The following RANBP17 variants were observed in gnomAD, a reference collection of about 807,000 sequenced individuals.
RANBP17 encodes the protein ran-binding protein 17.
Under a neutral mutation model 141.2 loss-of-function variants are expected in RANBP17, and 158 were observed. That is an observed-to-expected ratio of 1.12 (90% CI 0.98 to 1.28). RANBP17 has a LOEUF of 1.28. RANBP17 is among the 50% of genes most tolerant of loss of function. The pLI is 0.00. For missense variants in RANBP17, 1,438 were observed against 1,290.7 expected (o/e 1.11, Z -1.75); for synonymous variants, 430 against 450.0 (o/e 0.96, Z 0.56).
At chr5:170,921,003 T>C (rs1772406753) in intron 11 of RANBP17, among the ~76,000 whole-genome samples, 1 of 152,212 alleles carries the variant, frequency 6.6e-6, no homozygotes, top group Non-Finnish European at 1.5e-5. Context: ...TTTTGTCAGA[T>C]GGATAGATTG....
At chr5:170,892,593 G>C (rs779373634) in intron 4 of RANBP17, 40 bp downstream of exon 4, 1 of 1,560,854 alleles carries the variant, frequency 6.4e-7, no homozygotes, top group South Asian at 1.2e-5. Context: ...ATCACTACTT[G>C]CTTTTTTTGG....
intron 22 of RANBP17, among the ~76,000 whole-genome samples, chr5:171,222,791 G>C (rs1216308291): frequency 6.6e-6 from 1 of 151,954 alleles, no homozygotes; most frequent in African/African-American, 2.4e-5. Context: ...ACCACGCCTG[G>C]CTAATTGTTG....
intron 5 of RANBP17, among the ~76,000 whole-genome samples, chr5:170,905,299 A>C (rs1342173507): frequency 1.3e-5 from 2 of 152,136 alleles, no homozygotes; most frequent in African/African-American, 4.8e-5. Flanking sequence ...AGAGGAATGT[A>C]GTGTTTAAAA....
intron 14 of RANBP17, among the ~76,000 whole-genome samples, chr5:171,013,445 G>T (rs1780206327): frequency 6.6e-6 from 1 of 152,096 alleles, no homozygotes; most frequent in Non-Finnish European, 1.5e-5. Flanking sequence ...CTCATCAACT[G>T]CTCATTTCTC....
intron 14 of RANBP17, chr5:171,028,752 A>T (rs1206664314): frequency 2.5e-6 from 1 of 398,880 alleles, no homozygotes; most frequent in African/African-American, 2.1e-5. Context: ...GCTTGCATAC[A>T]GAGAAGAGCT....
intron 14 of RANBP17, among the ~76,000 whole-genome samples, chr5:171,124,539 A>C (rs962229927): frequency 5.9e-5 from 9 of 152,180 alleles, no homozygotes; most frequent in African/African-American, 2.2e-4. Flanking sequence ...TAATATATTC[A>C]ACCCAAAAGG....
chr5:171,227,651 T>C (rs1349987236), intron 22 of RANBP17, among the ~76,000 whole-genome samples: 1 of 152,190 alleles, frequency 6.6e-6, no homozygotes, highest in Non-Finnish European at 1.5e-5. Flanking sequence ...AAAATGCTAT[T>C]GGAAGAAGAT....
At chr5:170,918,639 CT>C in intron 9 of RANBP17, 73 bp from the exon 10 acceptor site, 1 of 1,258,300 alleles carries the variant, frequency 7.9e-7, no homozygotes, top group Non-Finnish European at 1.1e-6. Context: ...ACTTAAGATG[CT>C]TTGGGGTTTT....
chr5:170,970,121 C>T (rs962567411), intron 14 of RANBP17, among the ~76,000 whole-genome samples: 1 of 143,008 alleles, frequency 7.0e-6, no homozygotes, highest in Non-Finnish European at 1.5e-5. Flanking sequence ...TATTAATGTC[C>T]TCATTTTACT....
At chr5:171,296,777 G>C (rs536342096) in intron 27 of RANBP17, among the ~76,000 whole-genome samples, 2 of 152,290 alleles carry the variant, frequency 1.3e-5, no homozygotes, top group South Asian at 2.1e-4. Flanking sequence ...GCTGGGCATG[G>C]TGGCACGTGC....
intron 11 of RANBP17, among the ~76,000 whole-genome samples, chr5:170,921,422 C>G (rs558835679): frequency 6.6e-6 from 1 of 152,010 alleles, no homozygotes; most frequent in Admixed American, 6.6e-5. Context: ...ATTTCTGAGG[C>G]CTCTGTTCTG....
At chr5:171,279,427 G>A (rs1767717610) in intron 25 of RANBP17, among the ~76,000 whole-genome samples, 1 of 152,152 alleles carries the variant, frequency 6.6e-6, no homozygotes, top group Admixed American at 6.5e-5. Flanking sequence ...TCATCTAATG[G>A]AGGTGGGTGG....
rs1454378348 is a variant in RANBP17 at position 170,869,517 on chromosome 5, C to T, written c.18+7466C>T. Among the ~76,000 whole-genome samples the T allele has an allele frequency of 1.3e-5, 2 of 152,144 alleles. 1 individual carries two copies. Among genetic ancestry groups the T allele is most frequent in the South Asian group, 4.1e-4 (2 of 4,836 alleles). On this transcript the variant is annotated intron_variant, in intron 1 of 27. Transcript: ENST00000523189. ...GAAACATACACTGGTTTGGTCCCTT[C>T]TGGAGGCCCTGAAGGAGAAACCATT...
chr5:171,128,910 A>G (rs903235167), intron 14 of RANBP17, among the ~76,000 whole-genome samples: 2 of 152,228 alleles, frequency 1.3e-5, no homozygotes, highest in South Asian at 2.1e-4. Context: ...ATATTTGCCT[A>G]TTTATTCTTT....
chr5:171,261,198 A>T (rs540264606), intron 24 of RANBP17, among the ~76,000 whole-genome samples: 24 of 148,282 alleles, frequency 1.6e-4, no homozygotes, highest in Non-Finnish European at 3.1e-4. Context: ...AAAACCTTGT[A>T]TGTGTTGGGT....
At chr5:171,096,046 G>A (rs1354626862) in intron 14 of RANBP17, among the ~76,000 whole-genome samples, 1 of 152,096 alleles carries the variant, frequency 6.6e-6, no homozygotes, top group East Asian at 1.9e-4. Flanking sequence ...GAGGGGAAGG[G>A]GCTGGTCTTA....
At chr5:171,046,208 T>C (rs1049157487) in intron 14 of RANBP17, among the ~76,000 whole-genome samples, 3 of 148,608 alleles carry the variant, frequency 2.0e-5, no homozygotes, top group Admixed American at 6.7e-5. Flanking sequence ...GTTCTGCCTT[T>C]TTTTTTTTTT....
chr5:171,265,007 A>G (rs1766571701), intron 24 of RANBP17, among the ~76,000 whole-genome samples: 1 of 152,236 alleles, frequency 6.6e-6, no homozygotes, highest in Non-Finnish European at 1.5e-5. Context: ...ATTATGCTAC[A>G]GTGACTTGCA....
chr5:171,162,916 C>G (rs1759449982), intron 14 of RANBP17, among the ~76,000 whole-genome samples: 1 of 152,178 alleles, frequency 6.6e-6, no homozygotes, highest in Non-Finnish European at 1.5e-5. Context: ...CTTATTCAAG[C>G]AGACTGGGAA....
Sources: gnomAD v4.1 joint callset for allele counts (sites outside exome capture counted in the v4.1 genomes callset) on GRCh38, gnomAD v4.1.1 for gene constraint, MANE v1.5 for transcripts, NCBI Gene and HGNC (gene_info 2026-07-23, HGNC 2026-07-21) for gene names.